Variants in SBF2 observed in about 807,000 individuals in gnomAD.
SBF2 encodes SET binding factor 2.
In SBF2, 112 loss-of-function variants were observed where a neutral mutation model predicts 225.2. The observed-to-expected ratio is 0.50, with a 90% CI of 0.43 to 0.58. The LOEUF (loss-of-function observed/expected upper bound fraction) is 0.58. SBF2 is among the 20% of genes least tolerant of loss of function. The pLI is 0.00. For synonymous variants in SBF2, 763 were observed against 773.3 expected, an observed-to-expected ratio of 0.99 and a Z score of 0.22; for missense variants, 1,996 against 2,206.2, an observed-to-expected ratio of 0.90 and a Z score of 1.91.
Position 9,852,804 on chromosome 11 carries a change from C to T in SBF2, c.2537-55G>A, listed in dbSNP as rs1857051355. The T allele has an allele frequency of 5.5e-6, 7 of 1,283,536 alleles. No individual in the cohort carries two copies. The South Asian group carries it at 7.1e-5, about 13-fold the overall frequency. The allele number at this position is 1,283,536 out of a possible 1,614,324, so 79.5% of individuals were successfully genotyped here. The stretch of plus-strand genomic sequence containing the variant: ...AGAACACAGACAAGCAGGATAAAAA[C>T]AAATTCTGGATATTTTAGAATTAAA... On this transcript the variant is annotated intron_variant, in intron 20 of 39. Coordinates refer to ENST00000256190, the MANE Select transcript of SBF2 (RefSeq NM_030962.4).
At chr11:9,991,824 T>C (rs1947454118) in intron 12 of SBF2, among the ~76,000 whole-genome samples, 1 of 152,162 alleles carries the variant, frequency 6.6e-6, no homozygotes, top group Admixed American at 6.5e-5. Flanking sequence ...GAAATGTTGA[T>C]AATTGATTAG....
intron 1 of SBF2, among the ~76,000 whole-genome samples, chr11:10,280,828 C>A (rs1420780081): frequency 1.5e-5 from 2 of 129,958 alleles, no homozygotes; most frequent in Non-Finnish European, 3.1e-5. Flanking sequence ...CAGGTAACAA[C>A]TGGGGATTGG....
At chr11:9,868,490 C>T (rs1858436974) in intron 17 of SBF2, among the ~76,000 whole-genome samples, 1 of 151,586 alleles carries the variant, frequency 6.6e-6, no homozygotes, top group South Asian at 2.1e-4. Flanking sequence ...TGCACTCCAG[C>T]CTGGGCAACA....
chr11:10,183,982 A>G (rs1956833665), intron 2 of SBF2, among the ~76,000 whole-genome samples: 1 of 152,204 alleles, frequency 6.6e-6, no homozygotes, highest in Non-Finnish European at 1.5e-5. Context: ...AAAAACTTAG[A>G]AGATTCTGAA....
chr11:9,843,208 C>T lies in SBF2; in HGVS notation c.3111-438G>A, dbSNP rs1002128995. Among the ~76,000 whole-genome samples, 7 of 152,322 alleles carry T rather than the reference C, an allele frequency of 4.6e-5. No individual in the cohort carries two copies. The South Asian group carries it at 1.4e-3, about 32-fold the overall frequency. ...CTCAAACTCTCTTTCTACCAACTCACAAGCCTTTCTTTGAGATCATATGGC... is the reference window on the plus strand; with the variant it reads ...CTCAAACTCTCTTTCTACCAACTCATAAGCCTTTCTTTGAGATCATATGGC... On this transcript the variant is annotated intron_variant, in intron 24 of 39. Coordinates refer to ENST00000256190, the MANE Select transcript of SBF2 (RefSeq NM_030962.4).
intron 33 of SBF2, among the ~76,000 whole-genome samples, chr11:9,794,494 GTCTCTACTAAAAATACAAAAA>G (rs1323513487): frequency 6.6e-6 from 1 of 151,308 alleles, no homozygotes; most frequent in African/African-American, 2.4e-5. Flanking sequence ...GTGAAACCTT[GTCTCTACTAAAAATACAAAAA>G]TTAGCCAGGC....
intron 2 of SBF2, among the ~76,000 whole-genome samples, chr11:10,107,593 T>C (rs765255000): frequency 1.2e-4 from 19 of 152,232 alleles, no homozygotes; most frequent in Non-Finnish European, 2.6e-4. Flanking sequence ...TGGTTCATTC[T>C]GGAAGCTCTG....
At position 9,968,505 on chromosome 11, in the gene SBF2, C is replaced by T. The variant is rs775059182; in HGVS notation, c.1436G>A (p.Arg479Gln). ...TCGCAAATGGGATCCTTCTGTTGGC[C>T]GTGGAACTTTCTGGAATGCCATATG... is the stretch of plus-strand genomic sequence containing the variant. ...NPHMAFQKVP[R>Q]PTEGSHLRVH... Residue 479 changes from arginine (R) to glutamine (Q), a missense_variant, in exon 14 of 40, where the codon CGG (arginine) becomes CAG (glutamine). Transcript: ENST00000256190. 55 of 1,613,914 alleles carry T rather than the reference C, an allele frequency of 3.4e-5. No individual in the cohort carries two copies. The highest frequency in any genetic ancestry group is 6.7e-5 in the East Asian group (3 of 44,888).
chr11:9,832,408 A>T lies in SBF2; in HGVS notation c.3468T>A (p.Leu1156=), dbSNP rs767837440. Residue 1156 remains leucine (L), a synonymous_variant, in exon 27 of 40, where the codon CTT becomes CTA. Transcript: ENST00000256190. ...CCTGTACAGCTTGAGGTACGACTAA[A>T]AGGCCAGGATAGCTTCAGAGACATA... The part of the protein sequence containing the change: ...MYSLCRSYPG[L]LVVPQAVQDS... 3.1e-6 allele frequency: 5 copies of T among 1,613,278 alleles called. No individual in the cohort carries two copies. The highest frequency in any genetic ancestry group is 3.4e-6 in the Non-Finnish European group (4 of 1,179,366).
intron 33 of SBF2, chr11:9,790,909 C>T (rs893792276): frequency 7.1e-6 from 3 of 423,028 alleles, no homozygotes; most frequent in Admixed American, 7.8e-5. Flanking sequence ...ATAAAGTTTG[C>T]CTAAGCAGCC....
chr11:10,301,486 A>G (rs1964598784), intron 1 of SBF2, among the ~76,000 whole-genome samples: 1 of 152,216 alleles, frequency 6.6e-6, no homozygotes, highest in Non-Finnish European at 1.5e-5. Flanking sequence ...TTTGTTTTCA[A>G]GTGAACTTTG....
At chr11:9,991,017 AAG>A (rs912886094) in intron 12 of SBF2, among the ~76,000 whole-genome samples, 9 of 152,228 alleles carry the variant, frequency 5.9e-5, no homozygotes, top group South Asian at 2.1e-4. Context: ...ATAGAAAAGA[AAG>A]AGTATATAAA....
intron 2 of SBF2, among the ~76,000 whole-genome samples, chr11:10,075,425 G>C (rs528998879): frequency 7.9e-5 from 12 of 152,322 alleles, no homozygotes; most frequent in African/African-American, 2.9e-4. Context: ...ATAATAGGTA[G>C]TTGATATGGT....
intron 1 of SBF2, among the ~76,000 whole-genome samples, chr11:10,212,139 C>G (rs762228840): frequency 2.0e-5 from 3 of 152,186 alleles, no homozygotes; most frequent in Admixed American, 6.5e-5. Flanking sequence ...TCCATTAACC[C>G]ATGGATATGG....
At chr11:9,851,418 A>G (rs1379916899) in intron 21 of SBF2, among the ~76,000 whole-genome samples, 2 of 152,158 alleles carry the variant, frequency 1.3e-5, no homozygotes, top group Non-Finnish European at 2.9e-5. Flanking sequence ...TTTGCACATT[A>G]TTTTGTTTTT....
intron 16 of SBF2, among the ~76,000 whole-genome samples, chr11:9,909,758 C>A (rs1862442694): frequency 1.3e-5 from 2 of 151,820 alleles, no homozygotes; most frequent in Admixed American, 1.3e-4. Flanking sequence ...CATCTGTAGT[C>A]TGTGGGTTTA....
At chr11:10,217,067 A>G (rs895791065) in intron 1 of SBF2, among the ~76,000 whole-genome samples, 6 of 152,220 alleles carry the variant, frequency 3.9e-5, no homozygotes, top group African/African-American at 1.4e-4. Flanking sequence ...TGGACACTAT[A>G]CATTTGATAA....
chr11:10,138,198 T>C (rs1189233253), intron 2 of SBF2, among the ~76,000 whole-genome samples: 1 of 152,180 alleles, frequency 6.6e-6, no homozygotes, highest in East Asian at 1.9e-4. Context: ...TATTTTATAT[T>C]GGGTGAGTTG....
chr11:9,790,835 A>T, intron 33 of SBF2, 152 bp from the exon 34 acceptor site: 2 of 601,952 alleles, frequency 3.3e-6, no homozygotes, highest in Non-Finnish European at 2.9e-6. Context: ...AATAACTGCA[A>T]AGCTAAAGAC....
Sources: allele counts gnomAD v4.1 joint callset (sites outside exome capture counted in the v4.1 genomes callset), GRCh38; gene constraint gnomAD v4.1.1; transcripts MANE v1.5; gene names NCBI Gene and HGNC (gene_info 2026-07-23, HGNC 2026-07-21).